SCFD2: variants seen among roughly 807,000 people sequenced by gnomAD.
The protein encoded by SCFD2 is sec1 family domain containing 2, also known as sec1 family domain-containing protein 2.
A neutral mutation model predicts 58.9 loss-of-function variants in SCFD2; 54 were observed. That is an observed-to-expected ratio of 0.92 (90% CI 0.74 to 1.15). The LOEUF is 1.15. Among genes scored for constraint, SCFD2 ranks in the 50% most tolerant of loss-of-function variants. The pLI is 0.00. For missense variants in SCFD2, 805 were observed against 836.6 expected (o/e 0.96, Z 0.47); for synonymous variants, 321 against 335.9 (o/e 0.96, Z 0.49).
chr4:53,234,186 T>C (rs1384164700), intron 4 of SCFD2, among the ~76,000 whole-genome samples: 1 of 152,144 alleles, frequency 6.6e-6, no homozygotes, highest in Non-Finnish European at 1.5e-5. Context: ...AAAAAAAATA[T>C]TTGTTTCAGT....
chr4:53,273,280 C>T (rs555920479), intron 4 of SCFD2, among the ~76,000 whole-genome samples: 11 of 152,090 alleles, frequency 7.2e-5, no homozygotes, highest in South Asian at 2.1e-4. Flanking sequence ...AAAACACATA[C>T]TACATATTTT....
At chr4:52,979,894 G>A (rs1039001160) in intron 5 of SCFD2, among the ~76,000 whole-genome samples, 1 of 151,882 alleles carries the variant, frequency 6.6e-6, no homozygotes, top group Non-Finnish European at 1.5e-5. Flanking sequence ...GAGATCTCTT[G>A]TTCCCCAATA....
At chr4:53,342,560 G>C (rs1204437755) in intron 2 of SCFD2, among the ~76,000 whole-genome samples, 2 of 152,106 alleles carry the variant, frequency 1.3e-5, no homozygotes, top group Admixed American at 6.6e-5. Context: ...GAGACAGAAA[G>C]TTAACAAGGA....
intron 5 of SCFD2, among the ~76,000 whole-genome samples, chr4:53,048,989 A>G (rs1028916117): frequency 6.6e-6 from 1 of 152,188 alleles, no homozygotes; most frequent in Non-Finnish European, 1.5e-5. Flanking sequence ...GCATCAAAAC[A>G]TTAATCTTAG....
At chr4:53,069,103 T>C (rs192013466) in intron 5 of SCFD2, among the ~76,000 whole-genome samples, 3 of 152,068 alleles carry the variant, frequency 2.0e-5, no homozygotes, top group Admixed American at 2.0e-4. Context: ...GCATAGAAAG[T>C]GGCTTTATTT....
chr4:53,059,414 G>A (rs182672337), intron 5 of SCFD2, among the ~76,000 whole-genome samples: 68 of 152,270 alleles, frequency 4.5e-4, no homozygotes, highest in Admixed American at 7.9e-4. Context: ...CTCCATGTTA[G>A]AGATGAAGAA....
Position 53,003,800 on chromosome 4 carries a change from A to G in SCFD2, c.1562-82930T>C, listed in dbSNP as rs148174829. On this transcript the variant is annotated intron_variant, in intron 5 of 8. Transcript: ENST00000401642. ...GCTACAACTCTAAGGAGGACAGTAG[A>G]AAAGGATTCCTTTCAAAGTTAAATC... 2.6e-5 allele frequency among the ~76,000 whole-genome samples: 4 copies of G among 152,328 alleles called. No homozygotes were observed. In the East Asian group the frequency reaches 7.7e-4, roughly 29 times the overall value.
rs147879045 is a variant in SCFD2 at position 53,184,870 on chromosome 4, C to G, written c.1312-39288G>C. 2.0e-3 allele frequency among the ~76,000 whole-genome samples: 307 copies of G among 152,178 alleles called. 1 individual carries two copies. Among genetic ancestry groups the G allele is most frequent in the African/African-American group, 7.1e-3 (294 of 41,542 alleles). On this transcript the variant is annotated intron_variant, in intron 4 of 8. Transcript: ENST00000401642. Reference sequence around the variant, plus strand: ...CGGGCCCATGAAACAATCTTTCTACCAGCTACAAGAGATTAACTTTCCTGG... The same window carrying G: ...CGGGCCCATGAAACAATCTTTCTACGAGCTACAAGAGATTAACTTTCCTGG...
intron 3 of SCFD2, among the ~76,000 whole-genome samples, chr4:53,288,227 A>G (rs1378034366): frequency 6.6e-6 from 1 of 152,170 alleles, no homozygotes; most frequent in Non-Finnish European, 1.5e-5. Flanking sequence ...ATATTGAAAA[A>G]GAGTTTAGAA....
chr4:53,273,011 C>T (rs968375138), intron 4 of SCFD2, among the ~76,000 whole-genome samples: 70 of 151,878 alleles, frequency 4.6e-4, no homozygotes, highest in Non-Finnish European at 5.6e-4. Context: ...GTGAATTGAG[C>T]TTGTAATTAT....
intron 7 of SCFD2, among the ~76,000 whole-genome samples, chr4:52,895,135 G>A (rs1308621725): frequency 6.6e-6 from 1 of 151,916 alleles, no homozygotes; most frequent in African/African-American, 2.4e-5. Context: ...TTCCAAAAGT[G>A]CCCATGACAG....
chr4:53,324,225 T>A (rs1484533754), intron 2 of SCFD2, among the ~76,000 whole-genome samples: 3 of 152,130 alleles, frequency 2.0e-5, no homozygotes, highest in Non-Finnish European at 4.4e-5. Context: ...AAGACCAGCC[T>A]GGGCAACCTA....
intron 4 of SCFD2, among the ~76,000 whole-genome samples, chr4:53,273,398 C>T (rs1731232374): frequency 1.3e-5 from 2 of 152,194 alleles, no homozygotes; most frequent in Middle Eastern, 3.4e-3. Context: ...TCATTTTTTA[C>T]TAAACGCCAT....
intron 2 of SCFD2, among the ~76,000 whole-genome samples, chr4:53,319,775 AC>A (rs1732973357): frequency 6.6e-6 from 1 of 152,032 alleles, no homozygotes; most frequent in African/African-American, 2.4e-5. Context: ...CAGGTGATCC[AC>A]CCAACTTGGC....
chr4:53,261,687 G>A (rs901760563), intron 4 of SCFD2, among the ~76,000 whole-genome samples: 13 of 152,086 alleles, frequency 8.5e-5, no homozygotes, highest in East Asian at 5.8e-4. Flanking sequence ...TGAATAGAAC[G>A]CATATTCTGC....
At chr4:53,021,801 G>T (rs754284399) in intron 5 of SCFD2, among the ~76,000 whole-genome samples, 3 of 152,150 alleles carry the variant, frequency 2.0e-5, no homozygotes, top group Admixed American at 6.6e-5. Flanking sequence ...GCAAAATCTT[G>T]TTTTGTTCAC....
At chr4:53,263,616 C>T (rs564749205) in intron 4 of SCFD2, among the ~76,000 whole-genome samples, 4 of 152,306 alleles carry the variant, frequency 2.6e-5, no homozygotes, top group African/African-American at 9.6e-5. Flanking sequence ...TCAGGTCTTT[C>T]GGCCATGGAT....
chr4:52,908,473 T>G (rs563407831), intron 6 of SCFD2, among the ~76,000 whole-genome samples: 1 of 152,262 alleles, frequency 6.6e-6, no homozygotes, highest in South Asian at 2.1e-4. Flanking sequence ...GGAAGGAATA[T>G]CTTCCCTCAA....
chr4:53,148,679 T>C (rs746458633), intron 4 of SCFD2, among the ~76,000 whole-genome samples: 1 of 152,176 alleles, frequency 6.6e-6, no homozygotes, highest in Non-Finnish European at 1.5e-5. Flanking sequence ...AGGGCAGCAA[T>C]TCATACTCTT....
Sources: gnomAD v4.1 joint callset for allele counts (sites outside exome capture counted in the v4.1 genomes callset) on GRCh38, gnomAD v4.1.1 for gene constraint, MANE v1.5 for transcripts, NCBI Gene and HGNC (gene_info 2026-07-23, HGNC 2026-07-21) for gene names.